UBE2E2: variants seen among roughly 807,000 people sequenced by gnomAD.
UBE2E2 encodes the protein ubiquitin-conjugating enzyme E2 E2.
UBE2E2 carries 6 observed loss-of-function variants against 24.7 expected under a neutral mutation model. The ratio of observed to expected loss-of-function variants is 0.24; its 90% CI spans 0.13 to 0.48. The LOEUF (loss-of-function observed/expected upper bound fraction) is 0.48. Among genes scored for constraint, UBE2E2 ranks in the 20% least tolerant of loss-of-function variants. The pLI is 0.99. For missense variants in UBE2E2, 169 were observed against 245.0 expected, an observed-to-expected ratio of 0.69 and a Z score of 2.07; for synonymous variants, 104 against 83.6, an observed-to-expected ratio of 1.24 and a Z score of -1.33.
intron 4 of UBE2E2, among the ~76,000 whole-genome samples, chr3:23,504,625 A>G (rs769935961): frequency 1.8e-4 from 28 of 152,314 alleles, no homozygotes; most frequent in Non-Finnish European, 2.8e-4. Context: ...TTTACTGGCA[A>G]TAGATGAAAA....
At chr3:23,229,970 A>T (rs1488730005) in intron 3 of UBE2E2, among the ~76,000 whole-genome samples, 1 of 152,232 alleles carries the variant, frequency 6.6e-6, no homozygotes, top group East Asian at 1.9e-4. Flanking sequence ...GGGTAAGAGT[A>T]AACTACGAGG....
At chr3:23,545,627 G>T (rs754073467) in intron 5 of UBE2E2, among the ~76,000 whole-genome samples, 3 of 152,072 alleles carry the variant, frequency 2.0e-5, no homozygotes, top group Non-Finnish European at 4.4e-5. Context: ...TTCCCCACAA[G>T]ATCTACCATT....
chr3:23,298,810 G>A (rs1394996581), intron 3 of UBE2E2, among the ~76,000 whole-genome samples: 1 of 152,124 alleles, frequency 6.6e-6, no homozygotes, highest in African/African-American at 2.4e-5. Flanking sequence ...CATAAAATGA[G>A]TTAGGGAGGA....
intron 3 of UBE2E2, among the ~76,000 whole-genome samples, chr3:23,293,673 T>G (rs968018012): frequency 1.3e-5 from 2 of 152,224 alleles, no homozygotes; most frequent in African/African-American, 2.4e-5. Context: ...ATAATATGTA[T>G]CTTTCCTCTA....
intron 3 of UBE2E2, among the ~76,000 whole-genome samples, chr3:23,334,785 C>G (rs768993316): frequency 1.2e-4 from 18 of 152,238 alleles, no homozygotes; most frequent in Non-Finnish European, 2.4e-4. Flanking sequence ...TGGGCAGGAG[C>G]ACATTCAGCC....
chr3:23,588,159 A>G (rs919254596), intron 5 of UBE2E2, among the ~76,000 whole-genome samples: 2 of 152,200 alleles, frequency 1.3e-5, no homozygotes, highest in Non-Finnish European at 2.9e-5. Context: ...CCACAGACGT[A>G]GTTCCATATT....
chr3:23,272,526 C>T (rs538576306), intron 3 of UBE2E2, among the ~76,000 whole-genome samples: 14 of 152,316 alleles, frequency 9.2e-5, no homozygotes, highest in South Asian at 2.1e-4. Flanking sequence ...GCGCTGAGAG[C>T]GAGCGAGGGC....
At chr3:23,552,203 C>T (rs745997867) in intron 5 of UBE2E2, among the ~76,000 whole-genome samples, 14 of 152,140 alleles carry the variant, frequency 9.2e-5, no homozygotes, top group Non-Finnish European at 1.2e-4. Flanking sequence ...AAGTTTTAGT[C>T]AGCAGCCAGG....
At chr3:23,277,331 A>G (rs1253554045) in intron 3 of UBE2E2, among the ~76,000 whole-genome samples, 1 of 152,178 alleles carries the variant, frequency 6.6e-6, no homozygotes, top group Non-Finnish European at 1.5e-5. Flanking sequence ...GGCTACTGCC[A>G]GATGCTAGAC....
intron 3 of UBE2E2, among the ~76,000 whole-genome samples, chr3:23,417,840 G>A (rs910814197): frequency 3.9e-5 from 6 of 152,148 alleles, no homozygotes; most frequent in Admixed American, 2.6e-4. Flanking sequence ...AACTTCTGGC[G>A]ATTTTGTTTA....
At chr3:23,480,646 AGAAG>A (rs1175263389) in intron 3 of UBE2E2, among the ~76,000 whole-genome samples, 1 of 103,100 alleles carries the variant, frequency 9.7e-6, no homozygotes, top group Non-Finnish European at 2.4e-5. Context: ...AAAAAAAAAA[AGAAG>A]AGGATTCAGA....
intron 5 of UBE2E2, among the ~76,000 whole-genome samples, chr3:23,561,763 G>A (rs1484728982): frequency 1.1e-4 from 16 of 151,342 alleles, no homozygotes; most frequent in African/African-American, 2.2e-4. Context: ...AGTGGTTTGT[G>A]GTTCTCCTTG....
chr3:23,219,780 A>G (rs1382781203), intron 3 of UBE2E2, among the ~76,000 whole-genome samples: 2 of 152,096 alleles, frequency 1.3e-5, no homozygotes, highest in Admixed American at 6.6e-5. Context: ...CTGCTATCAC[A>G]TGTAAAGATT....
At chr3:23,240,295 A>G (rs1697223098) in intron 3 of UBE2E2, among the ~76,000 whole-genome samples, 1 of 152,140 alleles carries the variant, frequency 6.6e-6, no homozygotes, top group Non-Finnish European at 1.5e-5. Flanking sequence ...GGCTTAATTA[A>G]GTTTTGTTTC....
chr3:23,305,702 CA>C (rs1462887198), intron 3 of UBE2E2, among the ~76,000 whole-genome samples: 1 of 152,054 alleles, frequency 6.6e-6, no homozygotes, highest in Non-Finnish European at 1.5e-5. Context: ...CCTTTTCTTA[CA>C]GTTATTAAAA....
intron 3 of UBE2E2, among the ~76,000 whole-genome samples, chr3:23,263,243 CT>C (rs1228016023): frequency 1.3e-5 from 2 of 152,054 alleles, no homozygotes; most frequent in Non-Finnish European, 2.9e-5. Context: ...CCATAGGTTT[CT>C]TTTATTTATT....
intron 4 of UBE2E2, among the ~76,000 whole-genome samples, chr3:23,522,277 C>A (rs1694886640): frequency 2.0e-5 from 3 of 151,854 alleles, no homozygotes; most frequent in Admixed American, 1.3e-4. Context: ...ACTACAGGCG[C>A]CCGCCACCAC....
intron 3 of UBE2E2, among the ~76,000 whole-genome samples, chr3:23,368,936 T>C (rs1191194407): frequency 2.0e-5 from 3 of 152,226 alleles, no homozygotes; most frequent in African/African-American, 7.2e-5. Flanking sequence ...TATTTTACAG[T>C]GTGTGTGTTT....
At chr3:23,338,227 A>G (rs1695267295) in intron 3 of UBE2E2, among the ~76,000 whole-genome samples, 1 of 152,318 alleles carries the variant, frequency 6.6e-6, no homozygotes, top group Non-Finnish European at 1.5e-5. Context: ...AAAACTTGAC[A>G]AAATTTAGGT....
Sources: allele counts gnomAD v4.1 joint callset (sites outside exome capture counted in the v4.1 genomes callset), GRCh38; gene constraint gnomAD v4.1.1; transcripts MANE v1.5; gene names NCBI Gene and HGNC (gene_info 2026-07-23, HGNC 2026-07-21).